CEP41: variants seen among roughly 807,000 people sequenced by gnomAD.
The protein encoded by CEP41 is centrosomal protein 41, also known as centrosomal protein of 41 kDa.
CEP41 carries 32 observed loss-of-function variants against 44.3 expected under a neutral mutation model. That is an observed-to-expected ratio of 0.72 (90% CI 0.54 to 0.97). The LOEUF is 0.97. Ranked by LOEUF, CEP41 falls within the 50% of genes least tolerant of loss-of-function variation. The pLI is 0.00. For missense variants in CEP41, 432 were observed against 455.2 expected, an observed-to-expected ratio of 0.95 and a Z score of 0.46; for synonymous variants, 151 against 168.5, an observed-to-expected ratio of 0.90 and a Z score of 0.80.
chr7:130,424,261 A>G (rs1584896705), intron 2 of CEP41, among the ~76,000 whole-genome samples: 1 of 151,936 alleles, frequency 6.6e-6, no homozygotes, highest in Admixed American at 6.6e-5. Context: ...TTAGCCGGGC[A>G]TGGTGGCGCC....
At chr7:130,441,356 A>G (rs1798163692), upstream of CEP41, 1 of 390,666 alleles carries the variant, frequency 2.6e-6, no homozygotes. Context: ...GGAACCATAA[A>G]TACAACACAA....
chr7:130,419,867 G>A (rs1263833515), intron 2 of CEP41: 8 of 984,976 alleles, frequency 8.1e-6, no homozygotes, highest in Non-Finnish European at 8.4e-6. Context: ...TATAGCACTC[G>A]GCTTACAACT....
At chr7:130,415,525 G>C (rs144919935) in intron 3 of CEP41, among the ~76,000 whole-genome samples, 169 of 152,328 alleles carry the variant, frequency 1.1e-3, no homozygotes, top group African/African-American at 3.8e-3. Context: ...TCAAGGTTCT[G>C]TTCCAAGGGT....
intron 5 of CEP41, among the ~76,000 whole-genome samples, chr7:130,407,253 AACACACACACACACACACACACAC>A (rs60030288): frequency 1.5e-5 from 2 of 129,402 alleles, no homozygotes; most frequent in African/African-American, 5.7e-5. Flanking sequence ...AACAAGAGTA[AACACACACACACACACACACACAC>A]ACACACACAC....
chr7:130,438,008 C>T (rs185254716), intron 1 of CEP41, among the ~76,000 whole-genome samples: 14 of 152,156 alleles, frequency 9.2e-5, no homozygotes, highest in African/African-American at 2.9e-4. Context: ...ATCTTTGTCT[C>T]GGGCACAAAC....
chr7:130,414,983 C>T (rs1554420577), intron 3 of CEP41, among the ~76,000 whole-genome samples: 1 of 152,112 alleles, frequency 6.6e-6, no homozygotes, highest in East Asian at 1.9e-4. Flanking sequence ...AGGACAGAGA[C>T]CTGACTATCT....
rs1554414056 is a variant in CEP41, at chr7:130,395,344, C to T, written c.*3547G>A. ...TTAAACTGGTGAATTATATTCCACA[C>T]ATTTGCGGTGTTTCCTGGGGAAAAA... On this transcript the variant is annotated 3_prime_UTR_variant, in exon 11 of 11. Transcript: ENST00000223208. 6.7e-6 allele frequency: 3 copies of T among 446,118 alleles called. No individual in the cohort carries two copies. The highest frequency in any genetic ancestry group is 8.9e-6 in the Non-Finnish European group (2 of 224,700). The allele number at this position is 446,118 out of a possible 1,614,324, so 27.6% of individuals were successfully genotyped here.
rs782662485 is a variant in CEP41, at chr7:130,397,049, GTA to G, written c.*1840_*1841del. 5 of 454,364 alleles carry G rather than the reference GTA, an allele frequency of 1.1e-5. No homozygotes were observed. The highest frequency in any genetic ancestry group is 2.2e-5 in the Non-Finnish European group (5 of 226,792). The allele number at this position is 454,364 out of a possible 1,614,324, so 28.1% of individuals were successfully genotyped here. A position where few individuals can be genotyped will look rare whatever the true frequency, so the allele number is the denominator to read the frequency against. On this transcript the variant is annotated 3_prime_UTR_variant, in exon 11 of 11. Coordinates refer to ENST00000223208, the MANE Select transcript of CEP41 (RefSeq NM_018718.3). Reference sequence around the variant, plus strand: ...AGAAAAATCTTTTTTCCTTAAAAATGTATATGTGGCAAAAATGGCTGAAAATC... The same window carrying G: ...AGAAAAATCTTTTTTCCTTAAAAATGTATGTGGCAAAAATGGCTGAAAATC...
At chr7:130,401,503 G>C (rs1283108076) in intron 8 of CEP41, among the ~76,000 whole-genome samples, 2 of 151,828 alleles carry the variant, frequency 1.3e-5, no homozygotes, top group African/African-American at 4.8e-5. Context: ...ATAATTTTTG[G>C]TATTTAAATT....
At chr7:130,400,424 A>T (rs1796807125) in intron 9 of CEP41, 170 bp from the exon 10 acceptor site, 2 of 671,442 alleles carry the variant, frequency 3.0e-6, no homozygotes, top group Admixed American at 2.2e-5. Flanking sequence ...ACCAGAAAAT[A>T]TCTGTTGTTA....
chr7:130,422,367 G>A (rs1554422418), intron 2 of CEP41, among the ~76,000 whole-genome samples: 1 of 152,162 alleles, frequency 6.6e-6, no homozygotes, highest in African/African-American at 2.4e-5. Context: ...TAGAAACTCT[G>A]TACTCTTACT....
At chr7:130,413,534 T>C (rs781687355) in intron 3 of CEP41, among the ~76,000 whole-genome samples, 15 of 151,612 alleles carry the variant, frequency 9.9e-5, no homozygotes, top group East Asian at 1.9e-4. Flanking sequence ...TGAGCCAAGA[T>C]TGCACTACCA....
intron 9 of CEP41, 56 bp from the exon 10 acceptor site, chr7:130,400,310 A>T (rs1256107183): frequency 3.2e-6 from 4 of 1,253,508 alleles, no homozygotes. Context: ...GCCAGGCCAA[A>T]ACCTGGAAAG....
chr7:130,436,720 A>G (rs1797976357), intron 1 of CEP41, among the ~76,000 whole-genome samples: 1 of 151,996 alleles, frequency 6.6e-6, no homozygotes, highest in African/African-American at 2.4e-5. Context: ...ACAACAGAGC[A>G]AAAAACAGAG....
At chr7:130,419,808 TCGTAAGA>T in intron 2 of CEP41, 3 of 985,284 alleles carry the variant, frequency 3.0e-6, no homozygotes, top group Non-Finnish European at 3.6e-6. Context: ...TGCCACATAC[TCGTAAGA>T]GCTCACTCAG....
At chr7:130,403,367 T>A (rs1350028544) in intron 6 of CEP41, among the ~76,000 whole-genome samples, 1 of 152,166 alleles carries the variant, frequency 6.6e-6, no homozygotes, top group African/African-American at 2.4e-5. Context: ...GGCTTTAGAT[T>A]TGGTGGCATT....
At chr7:130,400,900 G>C in intron 8 of CEP41, 79 bp from the exon 9 acceptor site, 1 of 934,018 alleles carries the variant, frequency 1.1e-6, no homozygotes, top group Non-Finnish European at 1.7e-6. Flanking sequence ...GGAATAAAAG[G>C]TCAGGTCCAC....
chr7:130,427,209 A>AC (rs1402849214), intron 2 of CEP41, among the ~76,000 whole-genome samples: 1 of 152,190 alleles, frequency 6.6e-6, no homozygotes, highest in East Asian at 1.9e-4. Context: ...GGCATACAGT[A>AC]CCCCAATCCA....
rs1210406354 is a variant in CEP41, at chr7:130,395,921, C to T, written c.*2970G>A. On this transcript the variant is annotated 3_prime_UTR_variant, in exon 11 of 11. Coordinates refer to ENST00000223208, the MANE Select transcript of CEP41 (RefSeq NM_018718.3). ...GATAAAAGATAAAATGAATGCAGGC[C>T]ATTTAAATCATTCCATACTTTTTCA... 2 of 448,816 alleles carry T rather than the reference C, an allele frequency of 4.5e-6. No individual in the cohort carries two copies. The highest frequency in any genetic ancestry group is 8.9e-6 in the Non-Finnish European group (2 of 225,696). 27.8% of individuals were successfully genotyped at this position (448,816 alleles called of 1,614,324 possible). A position where few individuals can be genotyped will look rare whatever the true frequency, so the allele number is the denominator to read the frequency against.
Sources: allele counts gnomAD v4.1 joint callset (sites outside exome capture counted in the v4.1 genomes callset), GRCh38; gene constraint gnomAD v4.1.1; transcripts MANE v1.5; gene names NCBI Gene and HGNC (gene_info 2026-07-23, HGNC 2026-07-21).